Variants in RAB4B observed in about 807,000 individuals in gnomAD.
RAB4B encodes RAB4B, member RAS oncogene family, also known as ras-related protein Rab-4B.
In RAB4B, 15 loss-of-function variants were observed where a neutral mutation model predicts 28.3. That is an observed-to-expected ratio of 0.53 (90% CI 0.35 to 0.82). The LOEUF is 0.82. Ranked by LOEUF, RAB4B falls within the 40% of genes least tolerant of loss-of-function variation. The pLI is 0.01. For missense variants in RAB4B, 244 were observed against 288.5 expected (o/e 0.85, Z 1.12); for synonymous variants, 108 against 116.3 (o/e 0.93, Z 0.46).
chr19:40,794,994 A>G (rs1401751811), intron 7 of RAB4B, among the ~76,000 whole-genome samples: 2 of 101,636 alleles, frequency 2.0e-5, no homozygotes, highest in Admixed American at 1.2e-4. Flanking sequence ...TCTACTAAAA[A>G]TACAAAAAAA....
intron 3 of RAB4B, among the ~76,000 whole-genome samples, chr19:40,781,166 G>C (rs2083043534): frequency 6.7e-6 from 1 of 150,346 alleles, no homozygotes; most frequent in South Asian, 2.1e-4. Flanking sequence ...TGTGGTGGTG[G>C]ATGCTAGCTA....
intron 5 of RAB4B, 144 bp from the exon 6 acceptor site, chr19:40,786,521 C>T (rs1355878139): frequency 2.4e-6 from 3 of 1,244,936 alleles, no homozygotes; most frequent in Non-Finnish European, 3.3e-6. Flanking sequence ...ACATTAGTGG[C>T]AGGGAAATGG....
intron 3 of RAB4B, among the ~76,000 whole-genome samples, chr19:40,782,680 G>T (rs917778710): frequency 1.3e-5 from 2 of 151,980 alleles, no homozygotes; most frequent in Non-Finnish European, 2.9e-5. Flanking sequence ...GGGCGTGGTG[G>T]TGCATGCCTG....
intron 5 of RAB4B, among the ~76,000 whole-genome samples, chr19:40,784,691 C>T (rs989672463): frequency 1.3e-5 from 2 of 152,116 alleles, no homozygotes; most frequent in Admixed American, 6.6e-5. Flanking sequence ...TTAATGTTGG[C>T]CGCTAAGGTT....
intron 7 of RAB4B, among the ~76,000 whole-genome samples, chr19:40,789,996 C>A (rs183825612): frequency 2.6e-5 from 4 of 152,218 alleles, no homozygotes; most frequent in Admixed American, 1.3e-4. Flanking sequence ...CATGGAGGAC[C>A]TGTGTGTGTT....
intron 7 of RAB4B, among the ~76,000 whole-genome samples, chr19:40,790,456 C>T (rs1470392257): frequency 1.3e-5 from 2 of 151,070 alleles, no homozygotes; most frequent in African/African-American, 2.4e-5. Context: ...CTGCAAGCTC[C>T]GCCTCCTGGG....
At chr19:40,782,083 G>A (rs143360360) in intron 3 of RAB4B, among the ~76,000 whole-genome samples, 14 of 151,342 alleles carry the variant, frequency 9.3e-5, no homozygotes, top group African/African-American at 3.2e-4. Flanking sequence ...GAGAAATAGA[G>A]GGAATTCAGT....
chr19:40,785,476 A>G (rs980297665), intron 5 of RAB4B: 1 of 151,872 alleles, frequency 6.6e-6, no homozygotes, highest in East Asian at 1.9e-4. Context: ...ACACCACTGC[A>G]CTCCAGCCTG....
intron 5 of RAB4B, chr19:40,786,337 A>G (rs1013388856): frequency 2.8e-6 from 1 of 357,680 alleles, no homozygotes; most frequent in Non-Finnish European, 5.4e-6. Context: ...GGTTGGGGCC[A>G]GGATGAGGAA....
chr19:40,793,572 G>GTT (rs373163247), intron 7 of RAB4B, among the ~76,000 whole-genome samples: 108 of 125,400 alleles, frequency 8.6e-4, no homozygotes, highest in Admixed American at 1.6e-3. Context: ...TTTCTTTTTT[G>GTT]TTTTTTTTTT....
At chr19:40,789,884 TG>T (rs2083140993) in intron 7 of RAB4B, among the ~76,000 whole-genome samples, 1 of 152,172 alleles carries the variant, frequency 6.6e-6, no homozygotes, top group South Asian at 2.1e-4. Flanking sequence ...GGGAGGCCTG[TG>T]GGGATCTGGG....
chr19:40,792,686 G>A (rs1313999092), intron 7 of RAB4B: 8 of 152,182 alleles, frequency 5.3e-5, no homozygotes, highest in Non-Finnish European at 1.0e-4. Context: ...ATACATTTAC[G>A]TGACTTTTCA....
chr19:40,795,169 CAAAA>C (rs1167818145), intron 7 of RAB4B, among the ~76,000 whole-genome samples: 4 of 60,350 alleles, frequency 6.6e-5, no homozygotes, highest in African/African-American at 2.7e-4. Context: ...GCTCCATCTC[CAAAA>C]AAAAAAAAAA....
Position 40,781,288 on chromosome 19 carries a change from G to GAATA in RAB4B, c.212+809_212+812dup, listed in dbSNP as rs145590550. On this transcript the variant is annotated intron_variant, in intron 3 of 7. Transcript: ENST00000357052. Reference sequence around the variant, plus strand: ...GGTGACAGAGCGAGACTCTGTCTCTGAATAAATAAATAAATAAATAAATGA... The same window carrying GAATA: ...GGTGACAGAGCGAGACTCTGTCTCTGAATAAATAAATAAATAAATAAATAAATGA... 1.5e-3 allele frequency among the ~76,000 whole-genome samples: 226 copies of GAATA among 147,632 alleles called. 1 individual carries two copies. Among genetic ancestry groups the GAATA allele is most frequent in the African/African-American group, 2.6e-3 (102 of 39,610 alleles).
intron 2 of RAB4B, 112 bp downstream of exon 2, chr19:40,780,211 CT>C (rs2083033864): frequency 1.3e-6 from 2 of 1,513,066 alleles, no homozygotes; most frequent in Non-Finnish European, 8.9e-7. Context: ...AAGTCCAGTG[CT>C]GGCTTTTTGG....
chr19:40,795,557 G>C (rs1272204163), intron 7 of RAB4B, among the ~76,000 whole-genome samples: 2 of 150,072 alleles, frequency 1.3e-5, no homozygotes, highest in South Asian at 4.3e-4. Flanking sequence ...CTACCACCAC[G>C]CCTGGCTAAT....
At chr19:40,786,607 G>A in intron 5 of RAB4B, 58 bp from the exon 6 acceptor site, 1 of 1,605,420 alleles carries the variant, frequency 6.2e-7, no homozygotes, top group Non-Finnish European at 8.5e-7. Flanking sequence ...GCAGGTGAGA[G>A]CTCAGTGGAG....
intron 1 of RAB4B, 82 bp downstream of exon 1, chr19:40,778,473 A>G (rs2083016169): frequency 7.6e-7 from 1 of 1,324,148 alleles, no homozygotes; most frequent in Non-Finnish European, 9.8e-7. Context: ...GGCTTTGTAG[A>G]TCAGGGGGCG....
At position 40,795,935 on chromosome 19, in the gene RAB4B, G is replaced by A. The variant is rs564830876; in HGVS notation, c.*16-635G>A. ...TTGGTCAGGCTGGTCTGGAACTCCC[G>A]ACTTCAGGTGATCTGCCCGCCTCGG... is the stretch of plus-strand genomic sequence containing the variant. On this transcript the variant is annotated intron_variant, in intron 7 of 7. Transcript: ENST00000357052. Among the ~76,000 whole-genome samples, 353 of 147,158 alleles carry A rather than the reference G, an allele frequency of 2.4e-3. 3 individuals carry two copies. The highest frequency in any genetic ancestry group is 7.7e-3 in the African/African-American group (307 of 39,758).
Sources: allele counts gnomAD v4.1 joint callset (sites outside exome capture counted in the v4.1 genomes callset), GRCh38; gene constraint gnomAD v4.1.1; transcripts MANE v1.5; gene names NCBI Gene and HGNC (gene_info 2026-07-23, HGNC 2026-07-21).